PRKAG2: variants seen among roughly 807,000 people sequenced by gnomAD.
PRKAG2 encodes protein kinase AMP-activated non-catalytic subunit gamma 2.
A neutral mutation model predicts 69.6 loss-of-function variants in PRKAG2; 26 were observed. The observed-to-expected ratio is 0.37, with a 90% CI of 0.27 to 0.52. The LOEUF is 0.52. PRKAG2 is among the 20% of genes least tolerant of loss of function. PRKAG2 has a pLI of 0.90. For missense variants in PRKAG2, 557 were observed against 740.0 expected, an observed-to-expected ratio of 0.75 and a Z score of 2.87; for synonymous variants, 293 against 285.0, an observed-to-expected ratio of 1.03 and a Z score of -0.28.
chr7:151,819,600 G>C (rs528939412), intron 1 of PRKAG2, among the ~76,000 whole-genome samples: 34 of 152,318 alleles, frequency 2.2e-4, no homozygotes, highest in African/African-American at 8.2e-4. Flanking sequence ...AAGACATTTG[G>C]AGTCATTAAG....
At chr7:151,759,563 T>C (rs141412239) in intron 3 of PRKAG2, among the ~76,000 whole-genome samples, 229 of 152,294 alleles carry the variant, frequency 1.5e-3, no homozygotes, top group Non-Finnish European at 2.6e-3. Context: ...GGCAGGCAGG[T>C]ATCCTTGTCC....
At chr7:151,817,432 C>A (rs574555404) in intron 1 of PRKAG2, among the ~76,000 whole-genome samples, 1 of 152,332 alleles carries the variant, frequency 6.6e-6, no homozygotes, top group South Asian at 2.1e-4. Flanking sequence ...TTCACTAGCT[C>A]CATGCCATCT....
chr7:151,603,185 G>A (rs1469561857), intron 5 of PRKAG2, among the ~76,000 whole-genome samples: 3 of 116,574 alleles, frequency 2.6e-5, no homozygotes, highest in East Asian at 2.7e-4. Flanking sequence ...GGAGGGACAC[G>A]CTCCGTCCTC....
rs1334226565 is a variant in PRKAG2, at chr7:151,614,177, G to A, written c.754+17892C>T. On this transcript the variant is annotated intron_variant, in intron 5 of 15. Transcript: ENST00000287878. This position sits in a 1 kb window ranked among gnomAD's most constrained non-coding sequence, Gnocchi z 4.4. ...CAGCACTCCAACACGGCCTGTCAGG[G>A]GAGGTGACGCTGTCTCCAGCTGTGT... Among the ~76,000 whole-genome samples the A allele has an allele frequency of 2.0e-5, 3 of 152,170 alleles. No individual in the cohort carries two copies. The highest frequency in any genetic ancestry group is 7.2e-5 in the African/African-American group (3 of 41,442).
At chr7:151,598,587 ATAAAACT>A (rs1295052955) in intron 5 of PRKAG2, among the ~76,000 whole-genome samples, 1 of 152,192 alleles carries the variant, frequency 6.6e-6, no homozygotes, top group Non-Finnish European at 1.5e-5. Flanking sequence ...TCAACCAAAA[ATAAAACT>A]TAAAAAAAGG....
At chr7:151,722,695 C>T (rs1165061071) in intron 3 of PRKAG2, among the ~76,000 whole-genome samples, 1 of 152,086 alleles carries the variant, frequency 6.6e-6, no homozygotes, top group Admixed American at 6.5e-5. Context: ...CAAGGGAAGC[C>T]GAGAGTGTGC....
rs1819548194 is a variant in PRKAG2, at chr7:151,614,195, A to C, written c.754+17874T>G. ...TGTCAGGGGAGGTGACGCTGTCTCC[A>C]GCTGTGTCTTGAAGGCAGGAAAAGG... On this transcript the variant is annotated intron_variant, in intron 5 of 15. Transcript: ENST00000287878. This position sits in a 1 kb window ranked among gnomAD's most constrained non-coding sequence, Gnocchi z 4.4. Among the ~76,000 whole-genome samples, 1 of 152,084 alleles carries C rather than the reference A, an allele frequency of 6.6e-6. No homozygotes were observed. Among genetic ancestry groups the C allele is most frequent in the South Asian group, 2.1e-4 (1 of 4,822 alleles).
At position 151,788,495 on chromosome 7, in the gene PRKAG2, ATTCAAC is replaced by A. The variant is rs1239323747; in HGVS notation, c.115-1960_115-1955del. Among the ~76,000 whole-genome samples, 1 of 152,222 alleles carries A rather than the reference ATTCAAC, an allele frequency of 6.6e-6. No homozygotes were observed. The highest frequency in any genetic ancestry group is 2.4e-5 in the African/African-American group (1 of 41,460). On this transcript the variant is annotated intron_variant, in intron 1 of 15. Transcript: ENST00000287878. This position sits in a 1 kb window ranked among gnomAD's most constrained non-coding sequence, Gnocchi z 4.6. ...GTCTATCTTGTTTGGAGAAATGTCTATTCAACTCCTTTGCCCATTTTTTAATTGGGT... is the reference window on the plus strand; with the variant it reads ...GTCTATCTTGTTTGGAGAAATGTCTATCCTTTGCCCATTTTTTAATTGGGT...
At chr7:151,840,995 A>G (rs1191253973) in intron 1 of PRKAG2, among the ~76,000 whole-genome samples, 1 of 152,108 alleles carries the variant, frequency 6.6e-6, no homozygotes, top group Non-Finnish European at 1.5e-5. Context: ...TTAATTGATT[A>G]ATTGATTGGT....
chr7:151,795,741 T>C (rs1440475914), intron 1 of PRKAG2, among the ~76,000 whole-genome samples: 4 of 151,478 alleles, frequency 2.6e-5, no homozygotes, highest in African/African-American at 9.7e-5. Context: ...AAATTCTGCT[T>C]CATGATTGCA....
chr7:151,709,030 G>A (rs1839093895), intron 3 of PRKAG2, among the ~76,000 whole-genome samples: 1 of 152,148 alleles, frequency 6.6e-6, no homozygotes, highest in Non-Finnish European at 1.5e-5. Context: ...ATGGGCGATG[G>A]TGACACTGTG....
intron 3 of PRKAG2, among the ~76,000 whole-genome samples, chr7:151,713,442 A>C (rs540192074): frequency 6.6e-6 from 1 of 152,332 alleles, no homozygotes; most frequent in East Asian, 1.9e-4. Context: ...TATGTAATGC[A>C]GTATTTTCTT....
chr7:151,798,375 C>T (rs535054403), intron 1 of PRKAG2, among the ~76,000 whole-genome samples: 1 of 151,960 alleles, frequency 6.6e-6, no homozygotes. Context: ...AGTGTAGTAG[C>T]GCAATCTTGG....
At chr7:151,572,168 T>C (rs1807729971) in intron 9 of PRKAG2, among the ~76,000 whole-genome samples, 1 of 152,258 alleles carries the variant, frequency 6.6e-6, no homozygotes, top group Non-Finnish European at 1.5e-5. Flanking sequence ...GTCTTCAAAT[T>C]ACTTCCATGC....
At chr7:151,701,373 T>C (rs1374435165) in intron 3 of PRKAG2, among the ~76,000 whole-genome samples, 1 of 152,162 alleles carries the variant, frequency 6.6e-6, no homozygotes, top group African/African-American at 2.4e-5. Flanking sequence ...CCCTGGTACC[T>C]GTGCATGTGA....
chr7:151,827,759 A>AAAC, intron 1 of PRKAG2, among the ~76,000 whole-genome samples: 1 of 149,510 alleles, frequency 6.7e-6, no homozygotes. Flanking sequence ...AAAAAAAAAA[A>AAAC]AAAAAAAAAA....
chr7:151,728,549 A>G (rs1798381218), intron 3 of PRKAG2, among the ~76,000 whole-genome samples: 2 of 152,144 alleles, frequency 1.3e-5, no homozygotes, highest in Admixed American at 1.3e-4. Context: ...GTCCAGAGTC[A>G]CTATTTTAAA....
intron 3 of PRKAG2, among the ~76,000 whole-genome samples, chr7:151,687,994 T>C (rs1486505168): frequency 8.0e-6 from 1 of 125,182 alleles, no homozygotes; most frequent in Non-Finnish European, 1.7e-5. Flanking sequence ...ACTTGGCACT[T>C]TGGGTTTGGA....
chr7:151,852,797 C>G (rs1039752967), intron 1 of PRKAG2, among the ~76,000 whole-genome samples: 1 of 152,182 alleles, frequency 6.6e-6, no homozygotes, highest in African/African-American at 2.4e-5. Flanking sequence ...CTGCACTCCA[C>G]GAGAATTAGC....
Sources: allele counts gnomAD v4.1 joint callset (sites outside exome capture counted in the v4.1 genomes callset), GRCh38; gene constraint gnomAD v4.1.1; non-coding constraint Gnocchi (gnomAD v3.1); transcripts MANE v1.5; gene names NCBI Gene and HGNC (gene_info 2026-07-23, HGNC 2026-07-21).